Variants in HECW2 observed in about 807,000 individuals in gnomAD.
HECW2 encodes the protein HECT, C2 and WW domain containing E3 ubiquitin protein ligase 2, also known as E3 ubiquitin-protein ligase HECW2.
In HECW2, 61 loss-of-function variants were observed where a neutral mutation model predicts 175.2. The observed-to-expected ratio is 0.35, with a 90% CI of 0.28 to 0.43. The LOEUF is 0.43. Ranked by LOEUF, HECW2 falls within the 20% of genes least tolerant of loss-of-function variation. The pLI, the probability that HECW2 is intolerant of heterozygous loss-of-function variation, is 1.00. For synonymous variants in HECW2, 671 were observed against 731.0 expected, an observed-to-expected ratio of 0.92 and a Z score of 1.32; for missense variants, 1,524 against 2,000.5, an observed-to-expected ratio of 0.76 and a Z score of 4.54.
intron 1 of HECW2, among the ~76,000 whole-genome samples, chr2:196,487,398 T>C (rs1687046315): frequency 6.6e-6 from 1 of 152,174 alleles, no homozygotes; most frequent in Non-Finnish European, 1.5e-5. Flanking sequence ...TAATTATCGC[T>C]CCATCCCCAA....
intron 3 of HECW2, among the ~76,000 whole-genome samples, chr2:196,343,244 G>A (rs906473789): frequency 3.3e-5 from 5 of 151,906 alleles, no homozygotes; most frequent in East Asian, 3.8e-4. Context: ...ACATCCTCTC[G>A]TATACTTTAA....
intron 2 of HECW2, among the ~76,000 whole-genome samples, chr2:196,373,297 G>A (rs773943119): frequency 6.6e-6 from 1 of 152,158 alleles, no homozygotes; most frequent in Non-Finnish European, 1.5e-5. Flanking sequence ...AACATCTTTG[G>A]AGAAAAAGAA....
At chr2:196,462,863 A>C (rs991617717) in intron 1 of HECW2, among the ~76,000 whole-genome samples, 11 of 152,354 alleles carry the variant, frequency 7.2e-5, no homozygotes, top group African/African-American at 2.2e-4. Flanking sequence ...GATGAAACAA[A>C]TGTGTACAAA....
At chr2:196,571,804 G>C (rs559835350) in intron 1 of HECW2, among the ~76,000 whole-genome samples, 1 of 152,238 alleles carries the variant, frequency 6.6e-6, no homozygotes, top group East Asian at 1.9e-4. Context: ...AGAATTGAAA[G>C]CAAGGTCACA....
chr2:196,393,903 C>CAA (rs1232222172), intron 2 of HECW2, among the ~76,000 whole-genome samples: 1 of 152,166 alleles, frequency 6.6e-6, no homozygotes, highest in African/African-American at 2.4e-5. Flanking sequence ...GGAACCAACC[C>CAA]AAATGTCCAT....
At chr2:196,384,215 G>A (rs1166734698) in intron 2 of HECW2, among the ~76,000 whole-genome samples, 1 of 152,020 alleles carries the variant, frequency 6.6e-6, no homozygotes, top group Non-Finnish European at 1.5e-5. Flanking sequence ...CTTTCCATGG[G>A]CTTTAATTTA....
At position 196,241,673 on chromosome 2, in the gene HECW2, T is replaced by G. The variant is rs555016700; in HGVS notation, c.3650+411A>C. Among the ~76,000 whole-genome samples, 5 of 152,306 alleles carry G rather than the reference T, an allele frequency of 3.3e-5. No individual in the cohort carries two copies. The East Asian group carries it at 9.6e-4, about 29-fold the overall frequency. On this transcript the variant is annotated intron_variant, in intron 20 of 28. Coordinates refer to ENST00000644978, the MANE Select transcript of HECW2 (RefSeq NM_001348768.2). The stretch of plus-strand genomic sequence containing the variant: ...ATTCATGACATGTTCTGCTGTGAAG[T>G]TTGTTTCACAGAACTGAACAGAGCT...
chr2:196,216,078 C>A, intron 27 of HECW2, 101 bp from the exon 28 acceptor site: 1 of 749,018 alleles, frequency 1.3e-6, no homozygotes, highest in Non-Finnish European at 2.3e-6. Context: ...GAAGAGCAGG[C>A]AGGAAAGTTC....
chr2:196,418,207 C>A (rs111312286), intron 2 of HECW2, among the ~76,000 whole-genome samples: 6 of 151,962 alleles, frequency 3.9e-5, no homozygotes, highest in Non-Finnish European at 7.4e-5. Flanking sequence ...CGGCTCACTG[C>A]AAGCTCTGCC....
At chr2:196,361,554 T>G (rs927625535) in intron 2 of HECW2, among the ~76,000 whole-genome samples, 2 of 152,244 alleles carry the variant, frequency 1.3e-5, no homozygotes, top group Admixed American at 1.3e-4. Flanking sequence ...AGCAGAACCC[T>G]AAAAATTCAC....
chr2:196,228,371 G>A (rs1687928887), intron 21 of HECW2, 117 bp from the exon 22 acceptor site: 3 of 904,294 alleles, frequency 3.3e-6, no homozygotes, highest in Non-Finnish European at 3.3e-6. Flanking sequence ...TTGTCCACAT[G>A]CCAGAGCTGT....
chr2:196,426,413 C>G (rs1050394606), intron 2 of HECW2, among the ~76,000 whole-genome samples: 1 of 152,062 alleles, frequency 6.6e-6, no homozygotes, highest in African/African-American at 2.4e-5. Flanking sequence ...CACTTGTTAT[C>G]TTTTGTCTTT....
chr2:196,278,577 A>G lies in HECW2; in HGVS notation c.3086T>C (p.Leu1029Pro), dbSNP rs1331907128. 1 of 1,614,148 alleles carries G rather than the reference A, an allele frequency of 6.2e-7. No homozygotes were observed. Among genetic ancestry groups the G allele is most frequent in the Non-Finnish European group, 8.5e-7 (1 of 1,180,008 alleles). The change falls in exon 15 of 29, where the codon CTG (leucine) becomes CCG (proline). Residue 1029 changes from leucine (L) to proline (P), a missense_variant. By Grantham distance (98) the Leu-to-Pro change is moderately conservative. Transcript: ENST00000644978. ...CCTTGTCAGGTGTTGCCGATGAACC[A>G]GCGCACTTGTGGGTCTACTGCTCTG... ...PLQSSRPTSA[L>P]VHRQHLTRQR...
intron 2 of HECW2, among the ~76,000 whole-genome samples, chr2:196,419,095 T>G (rs1000595862): frequency 1.3e-5 from 2 of 152,114 alleles, no homozygotes; most frequent in African/African-American, 4.8e-5. Flanking sequence ...GCCTACAACA[T>G]GAACAAGATG....
chr2:196,582,150 C>G (rs552942365), intron 1 of HECW2, among the ~76,000 whole-genome samples: 2 of 151,970 alleles, frequency 1.3e-5, no homozygotes, highest in Non-Finnish European at 2.9e-5. Context: ...AGTAGCAAAT[C>G]ATTAGGAAGA....
At chr2:196,404,817 CTCTTTT>C (rs1694915293) in intron 2 of HECW2, among the ~76,000 whole-genome samples, 1 of 109,690 alleles carries the variant, frequency 9.1e-6, no homozygotes, top group Non-Finnish European at 1.8e-5. Context: ...CTTTTTTCTT[CTCTTTT>C]TTTTTTTTTT....
chr2:196,349,948 C>T (rs1183251870), intron 2 of HECW2, among the ~76,000 whole-genome samples: 1 of 152,148 alleles, frequency 6.6e-6, no homozygotes, highest in Non-Finnish European at 1.5e-5. Flanking sequence ...TTACCAAAAT[C>T]TCCTGCACAT....
rs543315119 is a variant in HECW2 at position 196,219,884 on chromosome 2, A to G, written c.4408+155T>C. ...CAGATGAGGTAATTAGGAAAAGAAG[A>G]GAATGTACCTTGCCCAAGGTCTCAA... On this transcript the variant is annotated intron_variant, in intron 26 of 28. Coordinates refer to ENST00000644978, the MANE Select transcript of HECW2 (RefSeq NM_001348768.2). 5.0e-4 allele frequency among the ~76,000 whole-genome samples: 76 copies of G among 152,358 alleles called. 1 individual carries two copies. The Middle Eastern group carries it at 0.024, about 48-fold the overall frequency.
intron 18 of HECW2, among the ~76,000 whole-genome samples, chr2:196,256,123 C>T (rs1689047014): frequency 6.6e-6 from 1 of 152,008 alleles, no homozygotes; most frequent in African/African-American, 2.4e-5. Context: ...CCAAATTTTT[C>T]AATAATCACT....
Sources: allele counts gnomAD v4.1 joint callset (sites outside exome capture counted in the v4.1 genomes callset), GRCh38; gene constraint gnomAD v4.1.1; transcripts MANE v1.5; gene names NCBI Gene and HGNC (gene_info 2026-07-23, HGNC 2026-07-21).